Variants in VRK1 observed in about 807,000 individuals in gnomAD.
The protein encoded by VRK1 is serine/threonine-protein kinase VRK1.
A neutral mutation model predicts 57.1 loss-of-function variants in VRK1; 33 were observed. That is an observed-to-expected ratio of 0.58 (90% CI 0.44 to 0.77). The LOEUF (loss-of-function observed/expected upper bound fraction) is 0.77. Among genes scored for constraint, VRK1 ranks in the 30% least tolerant of loss-of-function variants. The pLI is 0.00. For missense variants in VRK1, 413 were observed against 477.3 expected (o/e 0.87, Z 1.25); for synonymous variants, 137 against 147.8 (o/e 0.93, Z 0.53).
chr14:96,821,514 T>C (rs751156924), intron 1 of VRK1, among the ~76,000 whole-genome samples: 12 of 152,316 alleles, frequency 7.9e-5, no homozygotes, highest in Non-Finnish European at 1.6e-4. Context: ...TAAAAAGTCA[T>C]TGCTGTTTTC....
At chr14:96,808,017 CTGTGTG>C (rs3049309) in intron 1 of VRK1, among the ~76,000 whole-genome samples, 2,126 of 127,270 alleles carry the variant, frequency 0.017, 29 homozygotes, top group South Asian at 0.047. Flanking sequence ...CTCTCTCCCT[CTGTGTG>C]TGTGTGTGTG....
chr14:96,799,041 C>T (rs1885553543), intron 1 of VRK1, among the ~76,000 whole-genome samples: 1 of 152,160 alleles, frequency 6.6e-6, no homozygotes, highest in Non-Finnish European at 1.5e-5. Context: ...CAATTTAGTT[C>T]TGGTATCCAG....
At chr14:96,877,684 G>A (rs942974378) in intron 12 of VRK1, 7 of 1,262,970 alleles carry the variant, frequency 5.5e-6, no homozygotes, top group South Asian at 1.3e-5. Context: ...ATCCTGCATT[G>A]TTCTAGTGAG....
chr14:96,842,346 A>G (rs1887496781), intron 3 of VRK1, among the ~76,000 whole-genome samples: 1 of 152,204 alleles, frequency 6.6e-6, no homozygotes, highest in South Asian at 2.1e-4. Flanking sequence ...AATGAGCATC[A>G]GTTCTTTCTG....
chr14:96,847,455 C>T (rs1240823117), intron 5 of VRK1, 111 bp downstream of exon 5: 1 of 831,070 alleles, frequency 1.2e-6, no homozygotes, highest in South Asian at 1.4e-5. Context: ...AGGCCTCCCT[C>T]TGGAGTATGT....
At chr14:96,864,824 C>T (rs1164884916) in intron 11 of VRK1, among the ~76,000 whole-genome samples, 1 of 151,600 alleles carries the variant, frequency 6.6e-6, no homozygotes, top group East Asian at 1.9e-4. Context: ...TTAATTTAAT[C>T]TCCTTGAAAA....
chr14:96,859,102 G>A (rs1001163488), intron 10 of VRK1: 3 of 151,960 alleles, frequency 2.0e-5, no homozygotes, highest in African/African-American at 7.3e-5. Flanking sequence ...GGAAACTCTT[G>A]CTCATCTTTC....
At chr14:96,813,054 C>T (rs1387888330) in intron 1 of VRK1, among the ~76,000 whole-genome samples, 1 of 152,220 alleles carries the variant, frequency 6.6e-6, no homozygotes, top group Non-Finnish European at 1.5e-5. Flanking sequence ...GTTGGTTTCA[C>T]ATCATGTGGC....
intron 11 of VRK1, among the ~76,000 whole-genome samples, chr14:96,870,136 T>G (rs922312609): frequency 6.6e-6 from 1 of 152,332 alleles, no homozygotes; most frequent in Non-Finnish European, 1.5e-5. Flanking sequence ...TTATGTAGTT[T>G]CTATATTCTT....
chr14:96,812,804 A>G (rs1279907679), intron 1 of VRK1, among the ~76,000 whole-genome samples: 4 of 152,192 alleles, frequency 2.6e-5, no homozygotes, highest in Admixed American at 6.5e-5. Context: ...TAGATTGGAA[A>G]ATGTACATCT....
chr14:96,821,756 G>T (rs1886607319), intron 1 of VRK1, among the ~76,000 whole-genome samples: 1 of 152,084 alleles, frequency 6.6e-6, no homozygotes, highest in Non-Finnish European at 1.5e-5. Context: ...CCTTACAATA[G>T]CCTGAGTGTT....
chr14:96,831,975 C>T (rs1053775124), intron 1 of VRK1, among the ~76,000 whole-genome samples: 1 of 151,968 alleles, frequency 6.6e-6, no homozygotes, highest in Non-Finnish European at 1.5e-5. Context: ...CAAGATTTTA[C>T]CATGAGTAAA....
At chr14:96,875,509 T>A (rs995253516) in intron 11 of VRK1, among the ~76,000 whole-genome samples, 3 of 152,234 alleles carry the variant, frequency 2.0e-5, no homozygotes, top group Non-Finnish European at 4.4e-5. Flanking sequence ...AAGTTTTTCA[T>A]TATTGATTCA....
chr14:96,864,237 TAAGTG>T (rs1888496982), intron 11 of VRK1, among the ~76,000 whole-genome samples: 1 of 152,010 alleles, frequency 6.6e-6, no homozygotes, highest in Non-Finnish European at 1.5e-5. Flanking sequence ...TTGCCCTAAT[TAAGTG>T]AAGTTGTTAC....
intron 1 of VRK1, among the ~76,000 whole-genome samples, chr14:96,804,438 G>T (rs1290271420): frequency 6.6e-6 from 1 of 152,174 alleles, no homozygotes; most frequent in Admixed American, 6.5e-5. Flanking sequence ...GAAAAAGTGG[G>T]AAAACATTTT....
intron 1 of VRK1, among the ~76,000 whole-genome samples, chr14:96,831,640 AAT>A (rs1015301199): frequency 1.1e-4 from 16 of 152,356 alleles, no homozygotes; most frequent in Middle Eastern, 6.8e-3. Context: ...TTTCATTTAA[AAT>A]ATATTTTTGT....
At chr14:96,870,936 T>C (rs1888796516) in intron 11 of VRK1, among the ~76,000 whole-genome samples, 1 of 152,162 alleles carries the variant, frequency 6.6e-6, no homozygotes, top group African/African-American at 2.4e-5. Context: ...AATAGACAAA[T>C]TATGCTGACT....
At chr14:96,863,710 TAATTTTAA>T (rs1392317782) in intron 11 of VRK1, among the ~76,000 whole-genome samples, 2 of 152,198 alleles carry the variant, frequency 1.3e-5, no homozygotes, top group African/African-American at 4.8e-5. Context: ...TTTTACCTCC[TAATTTTAA>T]AATTTTAAAA....
intron 11 of VRK1, 97 bp downstream of exon 11, chr14:96,860,832 A>G: frequency 7.4e-7 from 1 of 1,346,386 alleles, no homozygotes; most frequent in African/African-American, 1.5e-5. Flanking sequence ...GAAGAACAAT[A>G]ACAGATTGCA....
Sources: allele counts gnomAD v4.1 joint callset (sites outside exome capture counted in the v4.1 genomes callset), GRCh38; gene constraint gnomAD v4.1.1; transcripts MANE v1.5; gene names NCBI Gene and HGNC (gene_info 2026-07-23, HGNC 2026-07-21).